The following YIPF1 variants were observed in gnomAD, a reference collection of about 807,000 sequenced individuals.
YIPF1 encodes Yip1 domain family member 1.
A neutral mutation model predicts 37.0 loss-of-function variants in YIPF1; 22 were observed. That is an observed-to-expected ratio of 0.59 (90% CI 0.42 to 0.85). The LOEUF is 0.85. Among genes scored for constraint, YIPF1 ranks in the 40% least tolerant of loss-of-function variants. YIPF1 has a pLI of 0.00. For missense variants in YIPF1, 355 were observed against 373.1 expected, an observed-to-expected ratio of 0.95 and a Z score of 0.40; for synonymous variants, 128 against 131.9, an observed-to-expected ratio of 0.97 and a Z score of 0.21.
Position 53,870,296 on chromosome 1 carries a change from G to A in YIPF1, c.481+1076C>T, listed in dbSNP as rs146961549. On this transcript the variant is annotated intron_variant, in intron 7 of 10. Transcript: ENST00000072644. ...AGTCATCCTCCCAACTCAGCCTCCT[G>A]AGTAGCTGGGACTACAGGCATGCAC... Among the ~76,000 whole-genome samples, 1,011 of 147,360 alleles carry A rather than the reference G, an allele frequency of 6.9e-3. 7 individuals carry two copies. Among genetic ancestry groups the A allele is most frequent in the Non-Finnish European group, 7.9e-3 (532 of 67,338 alleles).
At chr1:53,857,797 T>C (rs569523942) in intron 10 of YIPF1, among the ~76,000 whole-genome samples, 71 of 152,124 alleles carry the variant, frequency 4.7e-4, no homozygotes, top group African/African-American at 1.5e-3. Flanking sequence ...CTGGCCAACA[T>C]AGTGAAACCC....
At chr1:53,867,564 G>C (rs1009858895) in intron 7 of YIPF1, among the ~76,000 whole-genome samples, 10 of 151,904 alleles carry the variant, frequency 6.6e-5, no homozygotes, top group Admixed American at 6.6e-4. Context: ...AGTAGAGACG[G>C]GGTTTCACCG....
chr1:53,881,851 A>T (rs1378632768), intron 4 of YIPF1, among the ~76,000 whole-genome samples: 1 of 152,214 alleles, frequency 6.6e-6, no homozygotes, highest in East Asian at 1.9e-4. Flanking sequence ...CAGCAATCCC[A>T]TTACTGGGTA....
rs532701542 is a variant in YIPF1, at chr1:53,888,477, A to T, written c.31+430T>A. ...CCCGGTTCCTGGTCACAACCAGGAGATATTTACTGATTCAATGAGGGAATG... is the reference window on the plus strand; with the variant it reads ...CCCGGTTCCTGGTCACAACCAGGAGTTATTTACTGATTCAATGAGGGAATG... On this transcript the variant is annotated intron_variant, in intron 3 of 10. Transcript: ENST00000072644. Among the ~76,000 whole-genome samples the T allele has an allele frequency of 7.9e-5, 12 of 152,334 alleles. No homozygotes were observed. In the East Asian group the frequency reaches 1.2e-3, roughly 15 times the overall value.
chr1:53,889,231 A>G lies in YIPF1; in HGVS notation c.-50+13T>C, dbSNP rs1452268339. 6.2e-6 allele frequency: 2 copies of G among 324,574 alleles called. No individual in the cohort carries two copies. Among genetic ancestry groups the G allele is most frequent in the African/African-American group, 4.1e-5 (2 of 48,490 alleles). The allele number at this position is 324,574 out of a possible 1,614,324, so 20.1% of individuals were successfully genotyped here. A position where few individuals can be genotyped will look rare whatever the true frequency, so the allele number is the denominator to read the frequency against. ...TTTGGTTGTGTATGTACCAGGAATG[A>G]ATCTCAACTCACTGTGTGAATGTTT... On this transcript the variant is annotated intron_variant, in intron 2 of 10. Transcript: ENST00000072644.
At chr1:53,873,864 A>G (rs1650261235) in intron 6 of YIPF1, among the ~76,000 whole-genome samples, 1 of 152,104 alleles carries the variant, frequency 6.6e-6, no homozygotes, top group South Asian at 2.1e-4. Flanking sequence ...GCAGGCTGGT[A>G]TGGGAAGATA....
chr1:53,859,210 GGGAGACATTGTAGTATACAGT>G (rs1649800791), intron 10 of YIPF1, among the ~76,000 whole-genome samples: 1 of 152,250 alleles, frequency 6.6e-6, no homozygotes, highest in African/African-American at 2.4e-5. Flanking sequence ...AGCCTAACTG[GGGAGACATTGTAGTATACAGT>G]GGACAAATGA....
At position 53,860,137 on chromosome 1, in the gene YIPF1, G is replaced by A; in HGVS notation, c.848C>T (p.Ala283Val). Residue 283 changes from alanine to valine, a missense_variant, in exon 10 of 11, where the codon GCA (alanine) becomes GTA (valine). Coordinates refer to ENST00000072644, the MANE Select transcript of YIPF1 (RefSeq NM_018982.5). ...SVGCLAYFFD[A>V]PEMDHLPTTT... Reference sequence around the variant, plus strand: ...TGTTGGGAGATGGTCCATCTCTGGTGCATCAAAAAAGTATGCCTGTGGGGA... The same window carrying A: ...TGTTGGGAGATGGTCCATCTCTGGTACATCAAAAAAGTATGCCTGTGGGGA... 1 of 1,614,050 alleles carries A rather than the reference G, an allele frequency of 6.2e-7. No homozygotes were observed. The highest frequency in any genetic ancestry group is 8.5e-7 in the Non-Finnish European group (1 of 1,179,990).
chr1:53,873,201 C>T lies in YIPF1; in HGVS notation c.365-1713G>A, dbSNP rs116691665. On this transcript the variant is annotated intron_variant, in intron 6 of 10. Transcript: ENST00000072644. ...CTGCCTCTAGTGCACCCATGCACTC[C>T]GGGGAGACGATCAATAAAATATCTA... Among the ~76,000 whole-genome samples the T allele has an allele frequency of 3.2e-3, 483 of 152,220 alleles. 5 individuals are homozygous for T. The highest frequency in any genetic ancestry group is 5.2e-3 in the African/African-American group (214 of 41,528).
intron 7 of YIPF1, among the ~76,000 whole-genome samples, chr1:53,869,156 TCTCTCACA>T (rs1473240246): frequency 2.5e-4 from 32 of 125,712 alleles, no homozygotes; most frequent in East Asian, 5.3e-4. Context: ...TCTCTCTCTC[TCTCTCACA>T]CACACACACA....
At chr1:53,885,508 CA>C (rs1650621657) in intron 3 of YIPF1, among the ~76,000 whole-genome samples, 1 of 150,834 alleles carries the variant, frequency 6.6e-6, no homozygotes, top group Admixed American at 6.6e-5. Flanking sequence ...CTCTGTCTCA[CA>C]AAAAAAGAAA....
At chr1:53,853,044 G>C (rs980411373) in intron 10 of YIPF1, among the ~76,000 whole-genome samples, 15 of 152,148 alleles carry the variant, frequency 9.9e-5, no homozygotes, top group Non-Finnish European at 1.9e-4. Flanking sequence ...CTATGTGGAA[G>C]GTGAGTGGGG....
At chr1:53,876,889 C>T (rs1161784876) in intron 6 of YIPF1, among the ~76,000 whole-genome samples, 1 of 152,062 alleles carries the variant, frequency 6.6e-6, no homozygotes, top group Non-Finnish European at 1.5e-5. Flanking sequence ...CAAGTTATCT[C>T]CTTAATCTCA....
At position 53,883,124 on chromosome 1, in the gene YIPF1, C is replaced by G; in HGVS notation, c.184G>C (p.Asp62His). 4.5e-6 allele frequency: 7 copies of G among 1,572,102 alleles called. No homozygotes were observed. Among genetic ancestry groups the G allele is most frequent in the Non-Finnish European group, 6.0e-6 (7 of 1,165,950 alleles). ...AGACAAGTTCAAACCTCAGTTTTGT[C>G]AGAGTCATCATTTCCCAGTAACTCA... ...DDELLGNDDS[D>H]KTELLAGQKK... The change falls in exon 4 of 11, where the codon GAC becomes CAC. Residue 62 changes from aspartate to histidine, a missense_variant. Coordinates refer to ENST00000072644, the MANE Select transcript of YIPF1 (RefSeq NM_018982.5).
chr1:53,888,356 G>T (rs1470837816), intron 3 of YIPF1, among the ~76,000 whole-genome samples: 3 of 152,150 alleles, frequency 2.0e-5, no homozygotes, highest in African/African-American at 7.2e-5. Flanking sequence ...ATATTTAAAT[G>T]ATCATTTAAT....
chr1:53,883,928 G>A lies in YIPF1; in HGVS notation c.32-652C>T, dbSNP rs146375767. 1.6e-3 allele frequency among the ~76,000 whole-genome samples: 245 copies of A among 152,166 alleles called. 1 individual carries two copies. The highest frequency in any genetic ancestry group is 5.8e-3 in the African/African-American group (240 of 41,530). The stretch of plus-strand genomic sequence containing the variant: ...GCACATGCCTTGTAATCCCAGTTAT[G>A]CTGGAGGCTGAGACAGGAGAATCAC... On this transcript the variant is annotated intron_variant, in intron 3 of 10. Coordinates refer to ENST00000072644, the MANE Select transcript of YIPF1 (RefSeq NM_018982.5).
intron 10 of YIPF1, among the ~76,000 whole-genome samples, chr1:53,852,783 A>C (rs200867473): frequency 5.3e-5 from 3 of 56,362 alleles, no homozygotes; most frequent in Non-Finnish European, 7.6e-5. Flanking sequence ...ATAGGGGGCC[A>C]AAAAAAAAAA....
chr1:53,878,828 A>G, intron 4 of YIPF1, 106 bp from the exon 5 acceptor site: 1 of 978,446 alleles, frequency 1.0e-6, no homozygotes, highest in South Asian at 1.8e-5. Context: ...AAACGTTTGA[A>G]ACAATAGGCT....
intron 9 of YIPF1, 128 bp from the exon 10 acceptor site, chr1:53,860,281 A>G (rs1649835958): frequency 1.2e-6 from 1 of 802,006 alleles, no homozygotes; most frequent in Non-Finnish European, 2.0e-6. Context: ...CATATTTGCC[A>G]TCACACTAAA....
Sources: gnomAD v4.1 joint callset for allele counts (sites outside exome capture counted in the v4.1 genomes callset) on GRCh38, gnomAD v4.1.1 for gene constraint, MANE v1.5 for transcripts, NCBI Gene and HGNC (gene_info 2026-07-23, HGNC 2026-07-21) for gene names.